PTPRT: variants seen among roughly 807,000 people sequenced by gnomAD.
PTPRT encodes receptor-type tyrosine-protein phosphatase T.
In PTPRT, 56 loss-of-function variants were observed where a neutral mutation model predicts 176.8. The observed-to-expected ratio is 0.32, with a 90% CI of 0.26 to 0.40. PTPRT has a LOEUF of 0.40. PTPRT is among the 10% of genes least tolerant of loss of function. The pLI is 1.00. For synonymous variants in PTPRT, 783 were observed against 739.0 expected, an observed-to-expected ratio of 1.06 and a Z score of -0.96; for missense variants, 1,540 against 1,908.2, an observed-to-expected ratio of 0.81 and a Z score of 3.60.
At chr20:42,033,242 T>G in the PTPRT span, among the ~76,000 whole-genome samples, 46 of 152,220 alleles carry the variant, frequency 3.0e-4, no homozygotes, top group Non-Finnish European at 6.0e-4. Context: ...CCTTGGAATT[T>G]CGAATCCTTT....
intron 6 of PTPRT, among the ~76,000 whole-genome samples, chr20:42,736,950 C>T (rs1461980173): frequency 2.0e-5 from 3 of 152,158 alleles, no homozygotes; most frequent in South Asian, 2.1e-4. Flanking sequence ...TAAAAGGAGG[C>T]GTCTGAATTC....
intron 5 of PTPRT, among the ~76,000 whole-genome samples, chr20:42,757,470 T>G (rs1413319387): frequency 2.0e-5 from 3 of 152,172 alleles, no homozygotes; most frequent in African/African-American, 7.2e-5. Context: ...CCTCTCTTCC[T>G]TGGCACATGC....
At chr20:42,550,218 T>C (rs4563302) in intron 7 of PTPRT, among the ~76,000 whole-genome samples, 145,777 of 152,220 alleles carry the variant, frequency 0.96, 69,889 homozygotes, top group Middle Eastern at 1. Flanking sequence ...TATGTGACTT[T>C]AGGAAGGACA....
intron 7 of PTPRT, among the ~76,000 whole-genome samples, chr20:42,512,383 C>G (rs1480334218): frequency 1.3e-5 from 2 of 152,124 alleles, no homozygotes; most frequent in Non-Finnish European, 2.9e-5. Context: ...TAAGTGGAAT[C>G]ACACAATATG....
chr20:42,199,275 C>A lies in PTPRT; in HGVS notation c.2456G>T (p.Gly819Val), dbSNP rs749979947. ...TKLSASRNDE[G>V]FSSSSQDVNG... is the part of the protein sequence containing the mutation. ...GACGTCCTGAGAACTAGAAGAGAAG[C>A]CTTCATCATTGCGGCTGGCGCTGAG... The change falls in exon 16 of 31, where the codon GGC becomes GTC. Residue 819 changes from glycine to valine, a missense_variant. Gly to Val is a moderately radical substitution (Grantham distance 109). Coordinates refer to ENST00000373187, the MANE Select transcript of PTPRT (RefSeq NM_007050.6). The A allele has an allele frequency of 5.0e-6, 8 of 1,614,164 alleles. No individual in the cohort carries two copies. The highest frequency in any genetic ancestry group is 6.8e-6 in the Non-Finnish European group (8 of 1,180,022).
intron 2 of PTPRT, among the ~76,000 whole-genome samples, chr20:42,883,652 CAT>C (rs2079040231): frequency 7.7e-6 from 1 of 130,002 alleles, no homozygotes; most frequent in African/African-American, 2.9e-5. Context: ...CACACACCGC[CAT>C]ATACACACAC....
At chr20:42,682,930 T>C (rs980848410) in intron 6 of PTPRT, among the ~76,000 whole-genome samples, 1 of 152,214 alleles carries the variant, frequency 6.6e-6, no homozygotes, top group Non-Finnish European at 1.5e-5. Flanking sequence ...TAGCTGGAGA[T>C]GGAGCTGTGC....
At chr20:42,562,545 A>G (rs2072969753) in intron 7 of PTPRT, among the ~76,000 whole-genome samples, 1 of 152,240 alleles carries the variant, frequency 6.6e-6, no homozygotes, top group Non-Finnish European at 1.5e-5. Flanking sequence ...GACTATTACA[A>G]ATAAAGCTAT....
chr20:42,119,857 G>A (rs962949135), intron 20 of PTPRT, 78 bp downstream of exon 20: 1 of 1,304,008 alleles, frequency 7.7e-7, no homozygotes, highest in South Asian at 1.3e-5. Context: ...GAGAGGACAA[G>A]CCTTGCAGTT....
intron 16 of PTPRT, among the ~76,000 whole-genome samples, chr20:42,174,064 T>G (rs1228608398): frequency 6.6e-6 from 1 of 152,174 alleles, no homozygotes; most frequent in African/African-American, 2.4e-5. Context: ...CAGAAGAGAA[T>G]GAAGTATATT....
At chr20:42,843,802 G>A (rs1028897699) in intron 2 of PTPRT, among the ~76,000 whole-genome samples, 5 of 152,212 alleles carry the variant, frequency 3.3e-5, no homozygotes, top group South Asian at 2.1e-4. Flanking sequence ...GGGAATTAAG[G>A]GGTAAGACTT....
chr20:42,699,201 A>G (rs1479118030), intron 6 of PTPRT, among the ~76,000 whole-genome samples: 4 of 152,200 alleles, frequency 2.6e-5, no homozygotes, highest in African/African-American at 9.6e-5. Context: ...TCACATCTGA[A>G]CAATGCCACC....
chr20:42,465,740 G>T (rs1273124072), intron 8 of PTPRT, among the ~76,000 whole-genome samples: 1 of 152,132 alleles, frequency 6.6e-6, no homozygotes, highest in Non-Finnish European at 1.5e-5. Context: ...TGGAATATAC[G>T]TTTTAATGTA....
chr20:42,422,076 T>G (rs1412477618), intron 9 of PTPRT, among the ~76,000 whole-genome samples: 1 of 152,194 alleles, frequency 6.6e-6, no homozygotes, highest in Non-Finnish European at 1.5e-5. Flanking sequence ...CAGACTTAAA[T>G]GTAAAATCCA....
At chr20:42,152,173 G>A (rs138807925) in intron 17 of PTPRT, among the ~76,000 whole-genome samples, 3 of 152,216 alleles carry the variant, frequency 2.0e-5, no homozygotes, top group African/African-American at 4.8e-5. Context: ...TCTTGAGACA[G>A]GTGCACCTTT....
chr20:42,600,208 C>T (rs1010338331), intron 7 of PTPRT, among the ~76,000 whole-genome samples: 2 of 152,152 alleles, frequency 1.3e-5, no homozygotes, highest in Non-Finnish European at 2.9e-5. Flanking sequence ...GGCACTATCT[C>T]AACTCACTGT....
At chr20:42,353,558 G>A (rs1056043146) in intron 9 of PTPRT, among the ~76,000 whole-genome samples, 8 of 152,188 alleles carry the variant, frequency 5.3e-5, no homozygotes. Context: ...ACACACTTGA[G>A]TGTCACAGCA....
chr20:43,048,576 G>T (rs968769216), intron 1 of PTPRT, among the ~76,000 whole-genome samples: 1 of 152,168 alleles, frequency 6.6e-6, no homozygotes, highest in African/African-American at 2.4e-5. Flanking sequence ...TGGGCCAAGG[G>T]GGTGGGAAAC....
chr20:42,639,181 C>A (rs145344538), intron 7 of PTPRT, among the ~76,000 whole-genome samples: 1 of 152,126 alleles, frequency 6.6e-6, no homozygotes, highest in East Asian at 1.9e-4. Flanking sequence ...TACAATTTTA[C>A]CCACTCACAG....
Sources: allele counts gnomAD v4.1 joint callset (sites outside exome capture counted in the v4.1 genomes callset), GRCh38; gene constraint gnomAD v4.1.1; transcripts MANE v1.5; gene names NCBI Gene and HGNC (gene_info 2026-07-23, HGNC 2026-07-21).